Variants in VOPP1 observed in about 807,000 individuals in gnomAD.
VOPP1 encodes VOPP1 WW domain binding protein.
Under a neutral mutation model 23.5 loss-of-function variants are expected in VOPP1, and 8 were observed. That is an observed-to-expected ratio of 0.34 (90% CI 0.20 to 0.61). The LOEUF (loss-of-function observed/expected upper bound fraction) is 0.61, where lower values mean the gene tolerates loss of function less well. Ranked by LOEUF, VOPP1 falls within the 20% of genes least tolerant of loss-of-function variation. The pLI is 0.78. For missense variants in VOPP1, 174 were observed against 238.1 expected (o/e 0.73, Z 1.77); for synonymous variants, 83 against 97.3 (o/e 0.85, Z 0.86).
chr7:55,511,753 G>C (rs994759249), intron 2 of VOPP1, among the ~76,000 whole-genome samples: 1 of 152,148 alleles, frequency 6.6e-6, no homozygotes, highest in Non-Finnish European at 1.5e-5. Flanking sequence ...CTGCCTTTCC[G>C]GATGAACCAA....
At position 55,504,548 on chromosome 7, in the gene VOPP1, C is replaced by T. The variant is rs189461033; in HGVS notation, c.114-6858G>A. Among the ~76,000 whole-genome samples the T allele has an allele frequency of 6.3e-3, 959 of 152,336 alleles. 32 individuals carry two copies. The highest frequency in any genetic ancestry group is 0.048 in the Admixed American group (727 of 15,298). ...GCCTCACCTGGATCAAGGAATCCACCCGACCATTCAGTGACTGACCTTCCC... is the reference window on the plus strand; with the variant it reads ...GCCTCACCTGGATCAAGGAATCCACTCGACCATTCAGTGACTGACCTTCCC... On this transcript the variant is annotated intron_variant, in intron 2 of 4. Transcript: ENST00000285279.
chr7:55,472,884 G>C lies in VOPP1; in HGVS notation c.490C>G (p.Pro164Ala). Residue 164 changes from proline to alanine, a missense_variant, in exon 5 of 5, where the codon CCG (proline) becomes GCG (alanine). Pro to Ala is a conservative substitution (Grantham distance 27, BLOSUM62 -1). Transcript: ENST00000285279. ...PPAYCNTPPPPYEQVVKAK is the reference protein window; with the variant it reads ...PPAYCNTPPPAYEQVVKAK ...TTGGCCTTCACTACCTGTTCGTACG[G>C]GGGCGGAGGCGTGTTGCAGTAGGCT... 6.9e-7 allele frequency: 1 copy of C among 1,442,848 alleles called. No individual in the cohort carries two copies. Among genetic ancestry groups the C allele is most frequent in the Non-Finnish European group, 9.2e-7 (1 of 1,091,738 alleles). 89.4% of individuals were successfully genotyped at this position (1,442,848 alleles called of 1,614,324 possible). A position where few individuals can be genotyped will look rare whatever the true frequency, so the allele number is the denominator to read the frequency against.
intron 2 of VOPP1, among the ~76,000 whole-genome samples, chr7:55,515,057 C>G (rs557004168): frequency 2.2e-4 from 34 of 152,314 alleles, no homozygotes; most frequent in African/African-American, 7.2e-4. Flanking sequence ...CAGGCACGCC[C>G]TGTCACCTCC....
chr7:55,480,512 GCTAA>G (rs1481231037), intron 4 of VOPP1, among the ~76,000 whole-genome samples: 13 of 152,238 alleles, frequency 8.5e-5, no homozygotes, highest in Admixed American at 2.6e-4. Context: ...TTTATCAACT[GCTAA>G]CTTAGATTTA....
chr7:55,526,553 A>G (rs1796203457), intron 1 of VOPP1, among the ~76,000 whole-genome samples: 1 of 152,216 alleles, frequency 6.6e-6, no homozygotes, highest in Non-Finnish European at 1.5e-5. Context: ...CAGGAACTGA[A>G]GCTCGTGACT....
At chr7:55,474,733 G>C (rs1054550882) in intron 4 of VOPP1, among the ~76,000 whole-genome samples, 2 of 152,224 alleles carry the variant, frequency 1.3e-5, no homozygotes, top group Admixed American at 6.5e-5. Flanking sequence ...TCTGGAGCTG[G>C]AGCCTCCTGT....
At chr7:55,565,298 TTCACCAAGGACAGA>T (rs1181183199) in intron 1 of VOPP1, among the ~76,000 whole-genome samples, 2 of 152,212 alleles carry the variant, frequency 1.3e-5, no homozygotes, top group African/African-American at 4.8e-5. Context: ...TGGATCTCTT[TTCACCAAGGACAGA>T]TCATCAAACA....
chr7:55,571,600 G>T (rs1337664809), intron 1 of VOPP1: 2 of 152,256 alleles, frequency 1.3e-5, no homozygotes, highest in Non-Finnish European at 2.9e-5. Context: ...TCCCCGCCAG[G>T]GATGCGGTCA....
At chr7:55,552,741 G>A (rs556680448) in intron 1 of VOPP1, 54 of 1,534,250 alleles carry the variant, frequency 3.5e-5, no homozygotes, top group East Asian at 7.3e-5. Context: ...CCAGGTTGCC[G>A]GCACACGGAG....
intron 1 of VOPP1, among the ~76,000 whole-genome samples, chr7:55,526,326 T>A (rs1218802364): frequency 6.6e-6 from 1 of 152,150 alleles, no homozygotes; most frequent in Non-Finnish European, 1.5e-5. Flanking sequence ...AGTTAAGCCA[T>A]CCCAAATATA....
intron 1 of VOPP1, among the ~76,000 whole-genome samples, chr7:55,526,258 TC>T (rs1354500157): frequency 1.3e-5 from 2 of 152,246 alleles, no homozygotes; most frequent in African/African-American, 4.8e-5. Flanking sequence ...GAAAGACGTC[TC>T]TGCTCAAGGA....
chr7:55,488,056 T>C (rs897803048), intron 4 of VOPP1, among the ~76,000 whole-genome samples: 1 of 152,184 alleles, frequency 6.6e-6, no homozygotes, highest in Admixed American at 6.5e-5. Context: ...ATGAAGACAA[T>C]TTTTTCCTCT....
chr7:55,497,743 C>A, intron 2 of VOPP1, 53 bp from the exon 3 acceptor site: 3 of 1,534,378 alleles, frequency 2.0e-6, no homozygotes, highest in Non-Finnish European at 2.7e-6. Flanking sequence ...AGCCACCGGA[C>A]CAGCCATGCG....
At chr7:55,475,591 C>A (rs1792180806) in intron 4 of VOPP1, among the ~76,000 whole-genome samples, 1 of 152,160 alleles carries the variant, frequency 6.6e-6, no homozygotes, top group East Asian at 1.9e-4. Flanking sequence ...GGACAATCTG[C>A]ACAGAGGTGA....
chr7:55,493,266 C>G (rs1793708956), intron 3 of VOPP1: 1 of 133,996 alleles, frequency 7.5e-6, no homozygotes, highest in Non-Finnish European at 1.6e-5. Context: ...AACTGGCAAA[C>G]TGGCAAACTC....
intron 4 of VOPP1, among the ~76,000 whole-genome samples, chr7:55,474,506 C>T (rs1354288641): frequency 6.6e-6 from 1 of 152,176 alleles, no homozygotes; most frequent in Non-Finnish European, 1.5e-5. Context: ...GGGATTGACT[C>T]GATGGGGAGC....
chr7:55,517,469 C>T (rs919684788), intron 2 of VOPP1, among the ~76,000 whole-genome samples: 5 of 152,144 alleles, frequency 3.3e-5, no homozygotes, highest in African/African-American at 9.7e-5. Context: ...TGCACACTGG[C>T]CATGTGTCCA....
chr7:55,503,520 A>G (rs1489591826), intron 2 of VOPP1, among the ~76,000 whole-genome samples: 1 of 152,256 alleles, frequency 6.6e-6, no homozygotes, highest in East Asian at 1.9e-4. Context: ...TAAAAAAGAA[A>G]AAAAGCCAAA....
chr7:55,445,660 A>T (rs1791083070), intron 4 of VOPP1, among the ~76,000 whole-genome samples: 1 of 151,930 alleles, frequency 6.6e-6, no homozygotes, highest in African/African-American at 2.4e-5. Context: ...CTTCTCCTTT[A>T]TGGGTTTGTC....
Sources: gnomAD v4.1 joint callset for allele counts (sites outside exome capture counted in the v4.1 genomes callset) on GRCh38, gnomAD v4.1.1 for gene constraint, MANE v1.5 for transcripts, NCBI Gene and HGNC (gene_info 2026-07-23, HGNC 2026-07-21) for gene names.